The following PCDHGB1 variants were observed in gnomAD, a reference collection of about 807,000 sequenced individuals.
The protein encoded by PCDHGB1 is protocadherin gamma-B1.
Under a neutral mutation model 56.6 loss-of-function variants are expected in PCDHGB1, and 34 were observed. The observed-to-expected ratio is 0.60, with a 90% CI of 0.46 to 0.80. The LOEUF (loss-of-function observed/expected upper bound fraction) is 0.80. Ranked by LOEUF, PCDHGB1 falls within the 30% of genes least tolerant of loss-of-function variation. The pLI, the probability that PCDHGB1 is intolerant of heterozygous loss-of-function variation, is 0.00. For missense variants in PCDHGB1, 1,278 were observed against 1,204.6 expected (o/e 1.06, Z -0.90); for synonymous variants, 561 against 505.9 (o/e 1.11, Z -1.46).
intron 1 of PCDHGB1, chr5:141,360,531 A>G (rs766268377): frequency 5.0e-6 from 8 of 1,613,872 alleles, no homozygotes; most frequent in South Asian, 1.1e-5. Flanking sequence ...ATACCCCGCT[A>G]TTCAAACAGA....
rs1288502839 is a variant in PCDHGB1 at position 141,356,953 on chromosome 5, G to A, written c.2409+4284G>A. 6 of 1,614,062 alleles carry A rather than the reference G, an allele frequency of 3.7e-6. No individual in the cohort carries two copies. In the East Asian group the frequency reaches 8.9e-5, roughly 24 times the overall value. On this transcript the variant is annotated intron_variant, in intron 1 of 3. Coordinates refer to ENST00000523390, the MANE Select transcript of PCDHGB1 (RefSeq NM_018922.3). ...GCTGGCACCCCGCTCCGCAGATTCCGGCTACCTGGTGACCAAAGTGGTGGC... is the reference window on the plus strand; with the variant it reads ...GCTGGCACCCCGCTCCGCAGATTCCAGCTACCTGGTGACCAAAGTGGTGGC...
chr5:141,357,781 A>C, intron 1 of PCDHGB1: 1 of 862,264 alleles, frequency 1.2e-6, no homozygotes, highest in South Asian at 1.9e-5. Flanking sequence ...AATGATCAAC[A>C]GTATTTACCA....
At chr5:141,365,090 A>G (rs774588043) in intron 1 of PCDHGB1, 1 of 1,613,830 alleles carries the variant, frequency 6.2e-7, no homozygotes, top group East Asian at 2.2e-5. Flanking sequence ...TGTTCCAGAG[A>G]ACATACCTGT....
At chr5:141,427,525 C>T (rs779318429) in intron 1 of PCDHGB1, 9 of 611,980 alleles carry the variant, frequency 1.5e-5, no homozygotes, top group South Asian at 3.0e-5. Flanking sequence ...GAGCGGATCC[C>T]GGAGTACAAC....
intron 2 of PCDHGB1, among the ~76,000 whole-genome samples, chr5:141,495,826 A>G (rs1190417828): frequency 6.6e-6 from 1 of 150,888 alleles, no homozygotes; most frequent in African/African-American, 2.4e-5. Flanking sequence ...GTGTTCTTCT[A>G]TCCCCAGCCT....
intron 1 of PCDHGB1, chr5:141,383,640 C>A (rs1305472453): frequency 3.1e-6 from 5 of 1,613,848 alleles, no homozygotes; most frequent in Non-Finnish European, 4.2e-6. Flanking sequence ...TGCCTCAGTA[C>A]CAAGTAACTG....
chr5:141,386,587 G>A (rs1423292010), intron 1 of PCDHGB1, among the ~76,000 whole-genome samples: 2 of 151,614 alleles, frequency 1.3e-5, no homozygotes, highest in African/African-American at 4.9e-5. Context: ...CAATAGTGTG[G>A]GGGATACATT....
chr5:141,421,455 C>A (rs762490406), intron 1 of PCDHGB1: 1 of 1,614,108 alleles, frequency 6.2e-7, no homozygotes, highest in South Asian at 1.1e-5. Flanking sequence ...CACAGCTTTT[C>A]GCTGTGAATC....
intron 1 of PCDHGB1, among the ~76,000 whole-genome samples, chr5:141,464,827 C>T (rs529757361): frequency 1.5e-4 from 23 of 152,246 alleles, no homozygotes; most frequent in African/African-American, 4.6e-4. Flanking sequence ...TAGCCTCGCA[C>T]TCCTGGGCTC....
intron 1 of PCDHGB1, among the ~76,000 whole-genome samples, chr5:141,474,586 A>G (rs149003643): frequency 6.6e-6 from 1 of 152,222 alleles, no homozygotes; most frequent in Non-Finnish European, 1.5e-5. Flanking sequence ...AGTGTTAAAG[A>G]CATGGAAATA....
At chr5:141,385,413 G>T in intron 1 of PCDHGB1, 1 of 1,472,024 alleles carries the variant, frequency 6.8e-7, no homozygotes, top group South Asian at 1.5e-5. Context: ...TGAAAATAGG[G>T]ATTTAAAAAA....
At chr5:141,377,889 C>A (rs914946378) in intron 1 of PCDHGB1, 2 of 152,056 alleles carry the variant, frequency 1.3e-5, no homozygotes, top group Non-Finnish European at 2.9e-5. Flanking sequence ...AGATAGGATC[C>A]CCCTCTGTTG....
At chr5:141,483,812 A>C (rs1188806533) in intron 1 of PCDHGB1, among the ~76,000 whole-genome samples, 2 of 152,162 alleles carry the variant, frequency 1.3e-5, no homozygotes, top group Non-Finnish European at 2.9e-5. Context: ...TTTTTTTGGC[A>C]GCCAGTGTAA....
rs17097211 is a variant in PCDHGB1 at position 141,423,498 on chromosome 5, G to A, written c.2409+70829G>A. 9.4e-4 allele frequency: 1,510 copies of A among 1,613,948 alleles called. 9 individuals are homozygous for A. In the African/African-American group the frequency reaches 0.016, roughly 17 times the overall value. ...CTTTCCTGCAAACCTATTCCCACGA[G>A]GTCTCTCTCATTGCGGACTCGCAGA... On this transcript the variant is annotated intron_variant, in intron 1 of 3. Transcript: ENST00000523390.
At chr5:141,396,487 G>A (rs1196823269) in intron 1 of PCDHGB1, 1 of 152,122 alleles carries the variant, frequency 6.6e-6, no homozygotes, top group Non-Finnish European at 1.5e-5. Flanking sequence ...AGGCATGGTG[G>A]CATGCGCCTG....
intron 1 of PCDHGB1, chr5:141,390,223 G>A (rs137959577): frequency 3.7e-6 from 6 of 1,614,020 alleles, no homozygotes; most frequent in East Asian, 2.2e-5. Context: ...ATACTTTGCG[G>A]TGATTCATCT....
At position 141,366,541 on chromosome 5, in the gene PCDHGB1, C is replaced by T. The variant is rs558446486; in HGVS notation, c.2409+13872C>T. 62 of 1,614,270 alleles carry T rather than the reference C, an allele frequency of 3.8e-5. No homozygotes were observed. In the South Asian group the frequency reaches 6.5e-4, roughly 17 times the overall value. ...GCAGCAGGTTGGCGGGTGTGCCCGC[C>T]TCGCACTTTGTGGGCGTGGATGGGG... On this transcript the variant is annotated intron_variant, in intron 1 of 3. Transcript: ENST00000523390.
At position 141,431,698 on chromosome 5, in the gene PCDHGB1, AT is replaced by A. The variant is rs2097408637; in HGVS notation, c.2410-63107del. ...GGGAGTTGGACCACGAGGAGTCAGG[AT>A]TCTACCAGATGGAAGTGCAAGCAAT... On this transcript the variant is annotated intron_variant, in intron 1 of 3. Coordinates refer to ENST00000523390, the MANE Select transcript of PCDHGB1 (RefSeq NM_018922.3). The surrounding 1 kb of genome is among the most constrained non-coding windows in gnomAD (Gnocchi z 4.8). 4.3e-6 allele frequency: 7 copies of A among 1,614,104 alleles called. 1 individual carries two copies. The South Asian group carries it at 7.7e-5, about 18-fold the overall frequency.
intron 1 of PCDHGB1, chr5:141,408,050 G>C: frequency 7.9e-7 from 1 of 1,259,544 alleles, no homozygotes; most frequent in South Asian, 1.6e-5. Context: ...CCCACACAGA[G>C]CCTCCCGGCT....
Sources: allele counts gnomAD v4.1 joint callset (sites outside exome capture counted in the v4.1 genomes callset), GRCh38; gene constraint gnomAD v4.1.1; non-coding constraint Gnocchi (gnomAD v3.1); transcripts MANE v1.5; gene names NCBI Gene and HGNC (gene_info 2026-07-23, HGNC 2026-07-21).